The following TET3 variants were observed in gnomAD, a reference collection of about 807,000 sequenced individuals.
TET3 encodes the protein methylcytosine dioxygenase TET3.
In TET3, 19 loss-of-function variants were observed where a neutral mutation model predicts 141.4. That is an observed-to-expected ratio of 0.13 (90% CI 0.09 to 0.20). TET3 has a LOEUF of 0.20. TET3 is among the 10% of genes least tolerant of loss of function. TET3 has a pLI of 1.00. For synonymous variants in TET3, 1,043 were observed against 980.9 expected (o/e 1.06, Z -1.18); for missense variants, 1,874 against 2,356.9 (o/e 0.80, Z 4.24).
rs984445275 is a variant in TET3, at chr2:73,986,640, C to G, written c.237C>G (p.Arg79=). The part of the protein sequence containing the change: ...CGACTSCTNR[R]THQICKLRKC... The stretch of plus-strand genomic sequence containing the variant: ...CTTGCACTAGCTGTACCAACCGCCG[C>G]ACGCACCAGATCTGCAAACTGCGAA... The change falls in exon 2 of 12, where the codon CGC becomes CGG. Residue 79 remains arginine, a synonymous_variant. Transcript: ENST00000409262. 1.2e-5 allele frequency: 15 copies of G among 1,232,020 alleles called. No individual in the cohort carries two copies. The highest frequency in any genetic ancestry group is 8.4e-5 in the Admixed American group (2 of 23,704). The allele number at this position is 1,232,020 out of a possible 1,614,324, so 76.3% of individuals were successfully genotyped here.
chr2:74,088,902 G>A (rs1395555560), intron 7 of TET3, among the ~76,000 whole-genome samples: 1 of 151,978 alleles, frequency 6.6e-6, no homozygotes, highest in Non-Finnish European at 1.5e-5. Flanking sequence ...CCATCATGGC[G>A]AAACCCTGTC....
chr2:74,004,035 C>T (rs1685015921), intron 3 of TET3, among the ~76,000 whole-genome samples: 1 of 152,138 alleles, frequency 6.6e-6, no homozygotes, highest in African/African-American at 2.4e-5. Context: ...TCAGCAGTAT[C>T]CTCTGCTGGC....
the TET3 span, among the ~76,000 whole-genome samples, chr2:74,129,982 C>A: frequency 6.6e-6 from 1 of 151,656 alleles, no homozygotes; most frequent in East Asian, 1.9e-4. Context: ...GTAATACCAA[C>A]TACTTGGGAG....
chr2:74,047,442 A>G lies in TET3; in HGVS notation c.1525A>G (p.Arg509Gly). Residue 509 changes from arginine (R) to glycine (G), a missense_variant, in exon 4 of 12, where the codon AGG becomes GGG. This residue lies in a region of TET3 where 484 missense variants were observed against 462.2 expected (regional missense o/e 1.05). Coordinates refer to ENST00000409262, the MANE Select transcript of TET3 (RefSeq NM_001287491.2). ...CCCGGCCCCATCCCCTGTACTTCAG[A>G]GGGAGGCTCCCACGCCATCCTCGGA... ...PAPAPSPVLQ[R>G]EAPTPSSEPD... The G allele has an allele frequency of 6.2e-7, 1 of 1,612,674 alleles. No individual in the cohort carries two copies. The highest frequency in any genetic ancestry group is 8.5e-7 in the Non-Finnish European group (1 of 1,179,772).
chr2:74,034,541 C>T (rs1456399491), intron 3 of TET3, among the ~76,000 whole-genome samples: 1 of 145,696 alleles, frequency 6.9e-6, no homozygotes, highest in Non-Finnish European at 1.5e-5. Flanking sequence ...GGTTTGTAGA[C>T]TCAGTAGGAC....
chr2:74,066,040 A>G (rs1688881482), intron 4 of TET3, among the ~76,000 whole-genome samples: 1 of 152,142 alleles, frequency 6.6e-6, no homozygotes, highest in Non-Finnish European at 1.5e-5. Flanking sequence ...TTCAGGTGTG[A>G]GCCACCGCGC....
intron 4 of TET3, among the ~76,000 whole-genome samples, chr2:74,058,916 G>A (rs1688353632): frequency 6.6e-6 from 1 of 152,194 alleles, no homozygotes; most frequent in Non-Finnish European, 1.5e-5. Context: ...GAAAATATCA[G>A]AGTCTGTAAA....
intron 3 of TET3, among the ~76,000 whole-genome samples, chr2:74,043,830 C>T (rs1182049852): frequency 1.3e-5 from 2 of 152,096 alleles, no homozygotes; most frequent in East Asian, 3.9e-4. Context: ...CCTTGTCTGA[C>T]AGTCTTAGCA....
chr2:74,114,305 G>A, the TET3 span, among the ~76,000 whole-genome samples: 1 of 152,182 alleles, frequency 6.6e-6, no homozygotes, highest in African/African-American at 2.4e-5. Flanking sequence ...GGGACTCGGG[G>A]GGGAGGGCTG....
chr2:74,006,139 C>T (rs1685139962), intron 3 of TET3, among the ~76,000 whole-genome samples: 1 of 152,222 alleles, frequency 6.6e-6, no homozygotes, highest in South Asian at 2.1e-4. Flanking sequence ...TCTATACACT[C>T]TGGGTCCTTC....
chr2:74,022,540 C>G (rs1686110272), intron 3 of TET3, among the ~76,000 whole-genome samples: 1 of 148,428 alleles, frequency 6.7e-6, no homozygotes, highest in African/African-American at 2.5e-5. Flanking sequence ...CTTGTGTGAT[C>G]AAATCTAGCT....
intron 3 of TET3, among the ~76,000 whole-genome samples, chr2:74,036,744 A>G (rs1413941709): frequency 6.6e-6 from 1 of 152,240 alleles, no homozygotes; most frequent in Non-Finnish European, 1.5e-5. Flanking sequence ...CATCAGAGTC[A>G]CGTAGAGACT....
At chr2:74,001,388 T>C (rs1364851673) in intron 2 of TET3, among the ~76,000 whole-genome samples, 3 of 152,158 alleles carry the variant, frequency 2.0e-5, no homozygotes, top group Non-Finnish European at 4.4e-5. Flanking sequence ...TATTCATCTG[T>C]GAGAATGAGA....
At chr2:74,086,034 C>T (rs1288622415) in intron 6 of TET3, among the ~76,000 whole-genome samples, 4 of 152,340 alleles carry the variant, frequency 2.6e-5, no homozygotes, top group South Asian at 2.1e-4. Context: ...GCCCTTCTCC[C>T]GATTTTCTGC....
intron 3 of TET3, among the ~76,000 whole-genome samples, chr2:74,037,138 GCCAGTGTGCCCATGGGCAC>G (rs1468201379): frequency 2.6e-5 from 4 of 152,176 alleles, no homozygotes; most frequent in African/African-American, 9.7e-5. Context: ...GACTGGGCTA[GCCAGTGTGCCCATGGGCAC>G]ACACTCACTT....
chr2:73,988,005 G>A (rs973886490), intron 2 of TET3, among the ~76,000 whole-genome samples: 10 of 152,172 alleles, frequency 6.6e-5, no homozygotes, highest in Admixed American at 5.9e-4. Flanking sequence ...TGTCTTGTCC[G>A]TGCCTTGTGG....
chr2:74,071,965 A>G (rs1689231298), intron 4 of TET3, among the ~76,000 whole-genome samples: 1 of 152,184 alleles, frequency 6.6e-6, no homozygotes, highest in African/African-American at 2.4e-5. Flanking sequence ...AACCATCTTA[A>G]AGTGAACAAT....
intron 3 of TET3, among the ~76,000 whole-genome samples, chr2:74,044,421 GATTAA>G (rs759797988): frequency 6.6e-6 from 1 of 152,084 alleles, no homozygotes; most frequent in South Asian, 2.1e-4. Context: ...AATCATTTGA[GATTAA>G]ATTGAGTACA....
chr2:74,009,097 T>C (rs1685296379), intron 3 of TET3, among the ~76,000 whole-genome samples: 1 of 152,214 alleles, frequency 6.6e-6, no homozygotes, highest in African/African-American at 2.4e-5. Flanking sequence ...CTCAAAATCC[T>C]TGTCCCCAGG....
Sources: gnomAD v4.1 joint callset for allele counts (sites outside exome capture counted in the v4.1 genomes callset) on GRCh38, gnomAD v4.1.1 for gene constraint, gnomAD v4.1.1 regional missense constraint, MANE v1.5 for transcripts, NCBI Gene and HGNC (gene_info 2026-07-23, HGNC 2026-07-21) for gene names.